The following GPA33 variants were observed in gnomAD, a reference collection of about 807,000 sequenced individuals.
GPA33 encodes cell surface A33 antigen.
GPA33 carries 27 observed loss-of-function variants against 35.6 expected under a neutral mutation model. That is an observed-to-expected ratio of 0.76 (90% CI 0.56 to 1.04). GPA33 has a LOEUF of 1.04. Among genes scored for constraint, GPA33 ranks in the 50% least tolerant of loss-of-function variants. The pLI, the probability that GPA33 is intolerant of heterozygous loss-of-function variation, is 0.00. For missense variants in GPA33, 428 were observed against 411.9 expected (o/e 1.04, Z -0.34); for synonymous variants, 176 against 164.0 (o/e 1.07, Z -0.56).
At chr1:167,087,698 C>T (rs1010674935) in intron 1 of GPA33, among the ~76,000 whole-genome samples, 3 of 152,038 alleles carry the variant, frequency 2.0e-5, no homozygotes, top group Non-Finnish European at 4.4e-5. Flanking sequence ...GGGCTTATTG[C>T]GAGGTCAAGA....
intron 4 of GPA33, among the ~76,000 whole-genome samples, chr1:167,061,275 A>G (rs1354874391): frequency 6.6e-6 from 1 of 152,202 alleles, no homozygotes; most frequent in African/African-American, 2.4e-5. Flanking sequence ...GTATAAAGCT[A>G]TTATAGCATC....
At position 167,055,714 on chromosome 1, in the gene GPA33, CG is replaced by C; in HGVS notation, c.691+15del. ...CTGTGGCGTTTGTCAGCCCTCCCCC[CG>C]CAGGCTGCTCTTACGAGATCTGACG... On this transcript the variant is annotated intron_variant, in intron 5 of 6. Coordinates refer to ENST00000367868, the MANE Select transcript of GPA33 (RefSeq NM_005814.3). 3.7e-6 allele frequency: 6 copies of C among 1,613,400 alleles called. No individual in the cohort carries two copies. Among genetic ancestry groups the C allele is most frequent in the Non-Finnish European group, 5.1e-6 (6 of 1,179,750 alleles).
chr1:167,084,734 A>G (rs1667017532), intron 1 of GPA33, among the ~76,000 whole-genome samples: 1 of 152,248 alleles, frequency 6.6e-6, no homozygotes, highest in South Asian at 2.1e-4. Flanking sequence ...GGGTCTTCCA[A>G]TGCCGGTTAA....
intron 5 of GPA33, among the ~76,000 whole-genome samples, chr1:167,055,445 C>T (rs762034818): frequency 3.3e-5 from 5 of 152,204 alleles, no homozygotes; most frequent in Admixed American, 2.0e-4. Context: ...GGCACTTCCT[C>T]CACGCCCACC....
intron 1 of GPA33, among the ~76,000 whole-genome samples, chr1:167,082,602 C>T (rs937052509): frequency 1.3e-5 from 2 of 152,120 alleles, no homozygotes; most frequent in South Asian, 2.1e-4. Context: ...GGAGGGGACC[C>T]GAGAGGAGGG....
chr1:167,085,116 T>G (rs1667023854), intron 1 of GPA33, among the ~76,000 whole-genome samples: 1 of 152,172 alleles, frequency 6.6e-6, no homozygotes, highest in African/African-American at 2.4e-5. Context: ...AGACAGAAAT[T>G]TATAAGTCAG....
intron 4 of GPA33, among the ~76,000 whole-genome samples, chr1:167,056,720 A>ATGGTGTGTGTAGT (rs1203804318): frequency 2.7e-4 from 1 of 3,772 alleles, no homozygotes; most frequent in Non-Finnish European, 5.2e-4. Flanking sequence ...GTGTGTGTGT[A>ATGGTGTGTGTAGT]GTGTGTGATG....
chr1:167,073,724 A>G (rs80069575), intron 1 of GPA33, among the ~76,000 whole-genome samples, 185 bp from the exon 2 acceptor site: 1,625 of 152,242 alleles, frequency 0.011, 27 homozygotes, highest in African/African-American at 0.037. Context: ...ATGAGGACAA[A>G]CACATGGGCC....
intron 6 of GPA33, 32 bp downstream of exon 6, chr1:167,054,944 C>T (rs181989930): frequency 1.2e-6 from 2 of 1,613,130 alleles, no homozygotes; most frequent in African/African-American, 2.7e-5. Flanking sequence ...CTCCCCAGAC[C>T]CTTCCAACAG....
intron 3 of GPA33, among the ~76,000 whole-genome samples, chr1:167,065,001 G>A (rs1216856141): frequency 2.6e-5 from 4 of 152,302 alleles, no homozygotes; most frequent in East Asian, 1.9e-4. Context: ...ACCCCAACCC[G>A]ATTCCCTGGA....
At chr1:167,072,875 G>A (rs1037378833) in intron 2 of GPA33, among the ~76,000 whole-genome samples, 2 of 151,986 alleles carry the variant, frequency 1.3e-5, no homozygotes, top group African/African-American at 2.4e-5. Flanking sequence ...GGAAAGTGGG[G>A]GATAGAGGAT....
intron 1 of GPA33, among the ~76,000 whole-genome samples, chr1:167,082,913 G>C (rs1666979796): frequency 6.6e-6 from 1 of 152,166 alleles, no homozygotes; most frequent in South Asian, 2.1e-4. Context: ...CAGGAAGGAG[G>C]CGGGTTCCAA....
rs1158882108 is a variant in GPA33 at position 167,056,436 on chromosome 1, GTC to G, written c.572-589_572-588del. ...GTGTGGGGTGTATGTGTGTGTGTGT[GTC>G]TGTGTGTTATGTGGTGTGTGTGGTG... On this transcript the variant is annotated intron_variant, in intron 4 of 6. Transcript: ENST00000367868. Among the ~76,000 whole-genome samples the G allele has an allele frequency of 1.3e-4, 20 of 151,468 alleles. No individual in the cohort carries two copies. In the South Asian group the frequency reaches 4.2e-3, roughly 32 times the overall value.
intron 1 of GPA33, among the ~76,000 whole-genome samples, chr1:167,081,612 A>G (rs1666949297): frequency 6.6e-6 from 1 of 152,228 alleles, no homozygotes. Flanking sequence ...AGTGCAAGGC[A>G]CCAGAAAAAT....
At chr1:167,086,045 C>T (rs758731123) in intron 1 of GPA33, among the ~76,000 whole-genome samples, 3 of 152,224 alleles carry the variant, frequency 2.0e-5, no homozygotes, top group Non-Finnish European at 4.4e-5. Flanking sequence ...CTTTTGAACA[C>T]CTAACCTTCT....
rs750453067 is a variant in GPA33 at position 167,063,596 on chromosome 1, G to T, written c.557C>A (p.Pro186His). 7.5e-6 allele frequency: 12 copies of T among 1,608,580 alleles called. No homozygotes were observed. The South Asian group carries it at 1.2e-4, about 16-fold the overall frequency. ...TGCCCCCTTACCTGGCTGGGCCAGGGGCTGCTCCTGATTCAGGATGTTGTA... is the reference window on the plus strand; with the variant it reads ...TGCCCCCTTACCTGGCTGGGCCAGGTGCTGCTCCTGATTCAGGATGTTGTA... Reference protein sequence around the residue: ...KRYNILNQEQPLAQPASGQPV... With the variant: ...KRYNILNQEQHLAQPASGQPV... The change falls in exon 4 of 7, where the codon CCC becomes CAC. Residue 186 changes from proline to histidine, a missense_variant. Physicochemically the swap from Pro to His is moderately conservative, Grantham distance 77. Coordinates refer to ENST00000367868, the MANE Select transcript of GPA33 (RefSeq NM_005814.3).
intron 4 of GPA33, among the ~76,000 whole-genome samples, chr1:167,056,765 G>GGGGTGTA: frequency 6.7e-6 from 1 of 149,026 alleles, no homozygotes; most frequent in African/African-American, 2.5e-5. Context: ...TGGCGTGTGT[G>GGGGTGTA]TGGTGTGTGT....
intron 2 of GPA33, 32 bp downstream of exon 2, chr1:167,073,353 C>T (rs12139875): frequency 0.22 from 343,001 of 1,588,802 alleles, 39,414 homozygotes; most frequent in Non-Finnish European, 0.23. Flanking sequence ...ATAATCATTC[C>T]CATGTTGCCT....
At chr1:167,073,713 G>A (rs1468470239) in intron 1 of GPA33, among the ~76,000 whole-genome samples, 174 bp from the exon 2 acceptor site, 3 of 152,152 alleles carry the variant, frequency 2.0e-5, no homozygotes, top group South Asian at 2.1e-4. Flanking sequence ...CCAAGACTGC[G>A]ATGAGGACAA....
Sources: gnomAD v4.1 joint callset for allele counts (sites outside exome capture counted in the v4.1 genomes callset) on GRCh38, gnomAD v4.1.1 for gene constraint, MANE v1.5 for transcripts, NCBI Gene and HGNC (gene_info 2026-07-23, HGNC 2026-07-21) for gene names.